Variants in FCRL5 observed in about 807,000 individuals in gnomAD.
The protein encoded by FCRL5 is Fc receptor like 5, also known as Fc receptor-like protein 5.
A neutral mutation model predicts 92.1 loss-of-function variants in FCRL5; 79 were observed. The ratio of observed to expected loss-of-function variants is 0.86; its 90% CI spans 0.72 to 1.03. FCRL5 has a LOEUF of 1.03. FCRL5 is among the 50% of genes least tolerant of loss of function. The pLI is 0.00. For missense variants in FCRL5, 1,160 were observed against 1,181.1 expected, an observed-to-expected ratio of 0.98 and a Z score of 0.26; for synonymous variants, 466 against 469.3, an observed-to-expected ratio of 0.99 and a Z score of 0.09.
At chr1:157,546,714 A>C (rs1264172497) in intron 3 of FCRL5, among the ~76,000 whole-genome samples, 4 of 152,230 alleles carry the variant, frequency 2.6e-5, no homozygotes, top group Non-Finnish European at 5.9e-5. Flanking sequence ...GTTTAGAGAC[A>C]TTAATCCACT....
rs1651412951 is a variant in FCRL5, at chr1:157,544,250, A to C, written c.844+12T>G. 6.2e-7 allele frequency: 1 copy of C among 1,612,054 alleles called. No homozygotes were observed. The highest frequency in any genetic ancestry group is 8.5e-7 in the Non-Finnish European group (1 of 1,178,198). ...CTCTCTGCAGCAAATCTCAGGTTCC[A>C]CCAACACTTACTCTGCACCTGTATC... On this transcript the variant is annotated intron_variant, in intron 5 of 16. Coordinates refer to ENST00000361835, the MANE Select transcript of FCRL5 (RefSeq NM_031281.3).
At chr1:157,530,054 CT>C (rs1229165353) in intron 8 of FCRL5, among the ~76,000 whole-genome samples, 1 of 152,150 alleles carries the variant, frequency 6.6e-6, no homozygotes, top group African/African-American at 2.4e-5. Context: ...TTACCATTTT[CT>C]TTATTTTTTC....
intron 3 of FCRL5, among the ~76,000 whole-genome samples, chr1:157,546,641 G>A: frequency 6.6e-6 from 1 of 152,160 alleles, no homozygotes; most frequent in East Asian, 1.9e-4. Context: ...TAGGTCCTGA[G>A]TATCTGTATG....
chr1:157,527,575 G>A, intron 9 of FCRL5, 42 bp downstream of exon 9: 4 of 1,530,928 alleles, frequency 2.6e-6, no homozygotes, highest in Non-Finnish European at 2.6e-6. Flanking sequence ...AGTTAGGGGA[G>A]ATGGTCTTTT....
chr1:157,550,259 C>T lies in FCRL5; in HGVS notation c.32-679G>A, dbSNP rs557677221. On this transcript the variant is annotated intron_variant, in intron 1 of 16. Coordinates refer to ENST00000361835, the MANE Select transcript of FCRL5 (RefSeq NM_031281.3). ...GTGATAAGGAGTCATGGAATGGTTTCAAGGAGGAGATTGACAAGGTTAGAA... is the reference window on the plus strand; with the variant it reads ...GTGATAAGGAGTCATGGAATGGTTTTAAGGAGGAGATTGACAAGGTTAGAA... Among the ~76,000 whole-genome samples the T allele has an allele frequency of 2.0e-5, 3 of 152,168 alleles. No individual in the cohort carries two copies. In the East Asian group the frequency reaches 5.8e-4, roughly 29 times the overall value.
rs771387502 is a variant in FCRL5, at chr1:157,543,091, C to T, written c.891G>A (p.Leu297=). 6.2e-7 allele frequency: 1 copy of T among 1,614,180 alleles called. No individual in the cohort carries two copies. Among genetic ancestry groups the T allele is most frequent in the Non-Finnish European group, 8.5e-7 (1 of 1,180,020 alleles). Residue 297 remains leucine (L), a synonymous_variant, in exon 6 of 17, where the codon CTG becomes CTA. Transcript: ENST00000361835. ...GTGTCACCTTGGTTCCCTCAAAATT[C>T]AGAGCCTTTTCAGGGCTGAGAGTGA... is the stretch of plus-strand genomic sequence containing the variant. ...PVLTLSPEKA[L]NFEGTKVTLH...
At chr1:157,522,728 C>G (rs1273095840) in intron 10 of FCRL5, 2 of 152,164 alleles carry the variant, frequency 1.3e-5, no homozygotes, top group Non-Finnish European at 2.9e-5. Flanking sequence ...GCAAGAAACC[C>G]TTTAGCTGTG....
intron 3 of FCRL5, chr1:157,546,372 C>T (rs561441644): frequency 8.1e-5 from 29 of 359,592 alleles, no homozygotes; most frequent in Middle Eastern, 9.0e-4. Context: ...TGCTTGAACC[C>T]GGGAGACAGA....
chr1:157,526,204 G>T (rs1440084719), intron 9 of FCRL5, among the ~76,000 whole-genome samples: 2 of 152,210 alleles, frequency 1.3e-5, no homozygotes, highest in African/African-American at 4.8e-5. Context: ...CAAGAAGGAA[G>T]AAATGGTAAA....
At position 157,539,300 on chromosome 1, in the gene FCRL5, C is replaced by A; in HGVS notation, c.1188G>T (p.Lys396Asn). ...SPEDLIFEGA[K>N]VTLHCEAQRG... ...TCTGGGCTTCACAGTGAAGTGTCACCTTGGCTCCCTCAAAAATCAGGTCCT... is the reference window on the plus strand; with the variant it reads ...TCTGGGCTTCACAGTGAAGTGTCACATTGGCTCCCTCAAAAATCAGGTCCT... The change falls in exon 7 of 17, where the codon AAG becomes AAT. Residue 396 changes from lysine to asparagine, a missense_variant. Coordinates refer to ENST00000361835, the MANE Select transcript of FCRL5 (RefSeq NM_031281.3). The A allele has an allele frequency of 6.2e-7, 1 of 1,614,138 alleles. No individual in the cohort carries two copies. The highest frequency in any genetic ancestry group is 8.5e-7 in the Non-Finnish European group (1 of 1,180,014).
chr1:157,526,597 T>G (rs1388739032), intron 9 of FCRL5, among the ~76,000 whole-genome samples: 1 of 152,214 alleles, frequency 6.6e-6, no homozygotes, highest in African/African-American at 2.4e-5. Flanking sequence ...TGATGAAATC[T>G]GGAGACCAGA....
intron 14 of FCRL5, 62 bp from the exon 15 acceptor site, chr1:157,518,559 C>T: frequency 6.6e-7 from 1 of 1,505,302 alleles, no homozygotes; most frequent in Non-Finnish European, 9.2e-7. Context: ...AGAGATACTT[C>T]CTCCTCCCCC....
At chr1:157,543,507 G>A (rs944867662) in intron 5 of FCRL5, among the ~76,000 whole-genome samples, 16 of 152,266 alleles carry the variant, frequency 1.1e-4, no homozygotes, top group African/African-American at 3.6e-4. Flanking sequence ...ATTTACAGGT[G>A]AGAAAACTGA....
At chr1:157,521,327 C>T in intron 10 of FCRL5, 35 bp from the exon 11 acceptor site, 1 of 1,559,328 alleles carries the variant, frequency 6.4e-7, no homozygotes, top group Non-Finnish European at 8.6e-7. Context: ...GCAGTTTCTG[C>T]TTCTAACATA....
In FCRL5 at chr1:157,515,952, C is replaced by T. The variant is rs1649906777; in HGVS notation, c.2813-79G>A. 5 of 1,535,600 alleles carry T rather than the reference C, an allele frequency of 3.3e-6. No homozygotes were observed. In the South Asian group the frequency reaches 4.5e-5, roughly 14 times the overall value. ...TTGTGCCTGCGCTGTGGGGCCAGCC[C>T]TGAGCCTCCTGGAGGCCCGCTCTCC... On this transcript the variant is annotated intron_variant, in intron 15 of 16. Transcript: ENST00000361835.
In FCRL5 at chr1:157,515,614, C is replaced by T; in HGVS notation, c.*61G>A. 2.5e-6 allele frequency: 4 copies of T among 1,613,952 alleles called. No individual in the cohort carries two copies. Among genetic ancestry groups the T allele is most frequent in the Non-Finnish European group, 3.4e-6 (4 of 1,180,020 alleles). On this transcript the variant is annotated 3_prime_UTR_variant, in exon 17 of 17. Coordinates refer to ENST00000361835, the MANE Select transcript of FCRL5 (RefSeq NM_031281.3). ...AAATCTTCCCACTTCAATGCTGCTT[C>T]TCCCCCAAGGGGAACTTTGGGGTGC...
At chr1:157,535,791 C>T (rs1416519723) in intron 7 of FCRL5, among the ~76,000 whole-genome samples, 4 of 151,832 alleles carry the variant, frequency 2.6e-5, no homozygotes, top group African/African-American at 7.3e-5. Context: ...TATTGTTGTC[C>T]CTATGTCACA....
At chr1:157,547,234 C>A in intron 2 of FCRL5, 37 bp from the exon 3 acceptor site, 1 of 1,608,780 alleles carries the variant, frequency 6.2e-7, no homozygotes, top group Non-Finnish European at 8.5e-7. Context: ...GAGGTGGAGG[C>A]GCCTGCAGAC....
At position 157,539,370 on chromosome 1, in the gene FCRL5, A is replaced by C. The variant is rs761121738; in HGVS notation, c.1124-6T>G. ...GACAGGATGAGACACGGGAACTGAG[A>C]GAGAGAAAAAATTAGTCAAGATTTG... On this transcript the variant is annotated splice_region_variant and splice_polypyrimidine_tract_variant and intron_variant, in intron 6 of 16. Transcript: ENST00000361835. 10 of 1,583,762 alleles carry C rather than the reference A, an allele frequency of 6.3e-6. No homozygotes were observed.
Sources: gnomAD v4.1 joint callset for allele counts (sites outside exome capture counted in the v4.1 genomes callset) on GRCh38, gnomAD v4.1.1 for gene constraint, MANE v1.5 for transcripts, NCBI Gene and HGNC (gene_info 2026-07-23, HGNC 2026-07-21) for gene names.